Variants in LIN7A observed in about 807,000 individuals in gnomAD.
LIN7A encodes the protein lin-7 cell polarity scaffold A.
In LIN7A, 25 loss-of-function variants were observed where a neutral mutation model predicts 29.8. That is an observed-to-expected ratio of 0.84 (90% CI 0.61 to 1.17). The LOEUF (loss-of-function observed/expected upper bound fraction) is 1.17, where lower values mean the gene tolerates loss of function less well. LIN7A is among the 50% of genes most tolerant of loss of function. The probability of loss-of-function intolerance (pLI) is 0.00; values close to 1 mark genes in which losing one functional copy is unlikely to be tolerated. For missense variants in LIN7A, 239 were observed against 287.0 expected (o/e 0.83, Z 1.21); for synonymous variants, 118 against 107.5 (o/e 1.10, Z -0.60).
chr12:80,872,042 G>A (rs1874452747), intron 2 of LIN7A, among the ~76,000 whole-genome samples: 1 of 151,956 alleles, frequency 6.6e-6, no homozygotes. Flanking sequence ...AAGAAAATAT[G>A]TTTGTATAGT....
intron 4 of LIN7A, among the ~76,000 whole-genome samples, chr12:80,821,055 C>A (rs1277307712): frequency 6.6e-6 from 1 of 152,214 alleles, no homozygotes; most frequent in Non-Finnish European, 1.5e-5. Flanking sequence ...CAAGAACTAC[C>A]TCCCCCATAC....
chr12:80,916,505 C>T (rs1425918340), intron 1 of LIN7A, among the ~76,000 whole-genome samples: 1 of 152,140 alleles, frequency 6.6e-6, no homozygotes, highest in Non-Finnish European at 1.5e-5. Flanking sequence ...CTGACTGGGC[C>T]ATGCTTCTCC....
intron 4 of LIN7A, among the ~76,000 whole-genome samples, chr12:80,824,703 G>T (rs2121524349): frequency 6.6e-6 from 1 of 152,272 alleles, no homozygotes; most frequent in Non-Finnish European, 1.5e-5. Flanking sequence ...TGCAGGGATG[G>T]TTTAACATAC....
chr12:80,804,898 C>A (rs1870903183), intron 5 of LIN7A, among the ~76,000 whole-genome samples: 1 of 151,980 alleles, frequency 6.6e-6, no homozygotes, highest in Non-Finnish European at 1.5e-5. Context: ...CCATTGTGTA[C>A]AAGTACCACA....
chr12:80,819,258 AG>A (rs1337563415), intron 4 of LIN7A, among the ~76,000 whole-genome samples: 1 of 152,248 alleles, frequency 6.6e-6, no homozygotes, highest in Non-Finnish European at 1.5e-5. Context: ...TACATTATTC[AG>A]AAAAGAATTT....
At chr12:80,923,600 ATTG>A (rs563856576) in intron 1 of LIN7A, among the ~76,000 whole-genome samples, 77 of 152,228 alleles carry the variant, frequency 5.1e-4, no homozygotes, top group African/African-American at 1.6e-3. Context: ...TTTTGTAAGC[ATTG>A]TACAAAGTTC....
intron 1 of LIN7A, among the ~76,000 whole-genome samples, chr12:80,929,785 A>G (rs1877793622): frequency 6.6e-6 from 1 of 152,172 alleles, no homozygotes; most frequent in Non-Finnish European, 1.5e-5. Flanking sequence ...GAGGCAACAA[A>G]TAGATTGCCC....
At chr12:80,876,094 GAGAGAGACAGAC>G (rs1459369627) in intron 2 of LIN7A, among the ~76,000 whole-genome samples, 3 of 151,462 alleles carry the variant, frequency 2.0e-5, no homozygotes, top group African/African-American at 7.3e-5. Flanking sequence ...GAGAGAGAAA[GAGAGAGACAGAC>G]AGAGAGACAG....
At chr12:80,855,685 A>T (rs1592898725) in intron 2 of LIN7A, among the ~76,000 whole-genome samples, 3 of 152,262 alleles carry the variant, frequency 2.0e-5, no homozygotes, top group Admixed American at 2.0e-4. Context: ...TGAGGCTCTA[A>T]GTTTAATTGC....
At chr12:80,880,640 C>T (rs1052234577) in intron 2 of LIN7A, among the ~76,000 whole-genome samples, 2 of 152,042 alleles carry the variant, frequency 1.3e-5, no homozygotes, top group East Asian at 3.9e-4. Flanking sequence ...AGATTAATTA[C>T]GCTGGATCTT....
At chr12:80,803,984 C>T (rs115648101) in intron 5 of LIN7A, among the ~76,000 whole-genome samples, 2,913 of 152,226 alleles carry the variant, frequency 0.019, 69 homozygotes, top group African/African-American at 0.057. Context: ...GTGTTTGAAT[C>T]GTGGCCCTAT....
chr12:80,882,524 T>C (rs1426374370), intron 2 of LIN7A, among the ~76,000 whole-genome samples: 1 of 151,578 alleles, frequency 6.6e-6, no homozygotes, highest in African/African-American at 2.4e-5. Context: ...GACCTCGTGA[T>C]CCGCCCGCCT....
At chr12:80,928,468 C>A (rs562828119) in intron 1 of LIN7A, among the ~76,000 whole-genome samples, 13 of 151,946 alleles carry the variant, frequency 8.6e-5, no homozygotes, top group African/African-American at 3.1e-4. Context: ...ATGACATTCA[C>A]GTGTCTGTTG....
intron 1 of LIN7A, among the ~76,000 whole-genome samples, chr12:80,929,145 C>A (rs894253558): frequency 6.6e-6 from 1 of 152,060 alleles, no homozygotes; most frequent in Non-Finnish European, 1.5e-5. Context: ...ATGGCAAAAA[C>A]CTCAATTACT....
At chr12:80,892,517 T>C (rs944613528) in intron 1 of LIN7A, among the ~76,000 whole-genome samples, 3 of 152,108 alleles carry the variant, frequency 2.0e-5, no homozygotes, top group Non-Finnish European at 4.4e-5. Flanking sequence ...TCCAGCAAAA[T>C]TGAAAATGAT....
rs1168735219 is a variant in LIN7A, at chr12:80,794,789, C to T, written c.*2938G>A. The T allele has an allele frequency of 1.3e-5, 2 of 152,130 alleles. No homozygotes were observed. Among genetic ancestry groups the T allele is most frequent in the Non-Finnish European group, 2.9e-5 (2 of 68,010 alleles). 9.4% of individuals were successfully genotyped at this position (152,130 alleles called of 1,614,324 possible). A position where few individuals can be genotyped will look rare whatever the true frequency, so the allele number is the denominator to read the frequency against. On this transcript the variant is annotated 3_prime_UTR_variant, in exon 6 of 6. Transcript: ENST00000552864. Reference sequence around the variant, plus strand: ...AAAAGTCTGTTATTCTTTCCAAAGTCAATTGTAACTTAAGCTCATTATCTC... The same window carrying T: ...AAAAGTCTGTTATTCTTTCCAAAGTTAATTGTAACTTAAGCTCATTATCTC...
intron 4 of LIN7A, among the ~76,000 whole-genome samples, chr12:80,829,845 C>T (rs1387352822): frequency 2.0e-5 from 3 of 152,214 alleles, no homozygotes; most frequent in Admixed American, 6.5e-5. Context: ...CTGTGTTTCT[C>T]TCACTAAATA....
At chr12:80,832,701 A>T in intron 4 of LIN7A, 1 of 432,286 alleles carries the variant, frequency 2.3e-6, no homozygotes, top group South Asian at 1.7e-5. Flanking sequence ...AAACATGTTG[A>T]TGCTATGATT....
chr12:80,901,867 T>C lies in LIN7A; in HGVS notation c.83-12498A>G, dbSNP rs537567051. 7.7e-4 allele frequency among the ~76,000 whole-genome samples: 118 copies of C among 152,278 alleles called. 1 individual carries two copies. The highest frequency in any genetic ancestry group is 1.4e-3 in the Non-Finnish European group (95 of 67,998). ...GTTTTCTTCATTACTTTGAGAGTTG[T>C]ATGATGAGGTTAGTGTGGTGCTATC... On this transcript the variant is annotated intron_variant, in intron 1 of 5. Coordinates refer to ENST00000552864, the MANE Select transcript of LIN7A (RefSeq NM_004664.4).
Sources: allele counts gnomAD v4.1 joint callset (sites outside exome capture counted in the v4.1 genomes callset), GRCh38; gene constraint gnomAD v4.1.1; transcripts MANE v1.5; gene names NCBI Gene and HGNC (gene_info 2026-07-23, HGNC 2026-07-21).